PCSK5: variants seen among roughly 807,000 people sequenced by gnomAD.
PCSK5 encodes the protein proprotein convertase subtilisin/kexin type 5, also known as prohormone convertase 5.
PCSK5 carries 129 observed loss-of-function variants against 233.2 expected under a neutral mutation model. The observed-to-expected ratio is 0.55, with a 90% CI of 0.48 to 0.64. The LOEUF (loss-of-function observed/expected upper bound fraction) is 0.64, where lower values mean the gene tolerates loss of function less well. Among genes scored for constraint, PCSK5 ranks in the 30% least tolerant of loss-of-function variants. The probability of loss-of-function intolerance (pLI) is 0.00; values close to 1 mark genes in which losing one functional copy is unlikely to be tolerated. For missense variants in PCSK5, 2,076 were observed against 2,430.1 expected (o/e 0.85, Z 3.06); for synonymous variants, 825 against 879.2 (o/e 0.94, Z 1.09).
At chr9:76,098,233 A>G (rs1831616697) in intron 8 of PCSK5, among the ~76,000 whole-genome samples, 1 of 152,152 alleles carries the variant, frequency 6.6e-6, no homozygotes, top group Non-Finnish European at 1.5e-5. Context: ...ATTGCTCCAC[A>G]ATGTCTGGGT....
intron 1 of PCSK5, among the ~76,000 whole-genome samples, chr9:75,926,878 A>G (rs1008261669): frequency 2.0e-5 from 3 of 152,138 alleles, no homozygotes; most frequent in African/African-American, 7.2e-5. Context: ...TCACCTATTG[A>G]TGGACATTTG....
chr9:76,161,823 A>G (rs1822873094), intron 12 of PCSK5, among the ~76,000 whole-genome samples: 1 of 152,206 alleles, frequency 6.6e-6, no homozygotes, highest in African/African-American at 2.4e-5. Context: ...TGCTGAACAC[A>G]AGAGTGCTGC....
rs762715003 is a variant in PCSK5 at position 75,986,141 on chromosome 9, A to G, written c.307A>G (p.Ile103Val). ...ATGTCCTTCTTGACAGGTGGAATGG[A>G]TCCAACAGCAAGTGGTAAAAAAGCG... Reference protein sequence around the residue: ...FISMEPKVEWIQQQVVKKRTK... With the variant: ...FISMEPKVEWVQQQVVKKRTK... The change falls in exon 3 of 38, where the codon ATC (isoleucine) becomes GTC (valine). Residue 103 changes from isoleucine (I) to valine (V), a missense_variant. Physicochemically the swap from Ile to Val is conservative, Grantham distance 29. Coordinates refer to ENST00000674117, the MANE Select transcript of PCSK5 (RefSeq NM_001372043.1). The G allele has an allele frequency of 1.4e-5, 22 of 1,606,306 alleles. No individual in the cohort carries two copies. In the South Asian group the frequency reaches 2.2e-4, roughly 16 times the overall value.
chr9:76,104,336 C>T (rs1032850247), intron 8 of PCSK5, among the ~76,000 whole-genome samples: 1 of 152,128 alleles, frequency 6.6e-6, no homozygotes, highest in East Asian at 1.9e-4. Context: ...CTTTTCTCCC[C>T]GTTCCTTTTA....
At chr9:75,962,847 C>A (rs1193430851) in intron 2 of PCSK5, among the ~76,000 whole-genome samples, 1 of 152,188 alleles carries the variant, frequency 6.6e-6, no homozygotes, top group Non-Finnish European at 1.5e-5. Context: ...GAATGGGCCT[C>A]TGCGCACACC....
intron 37 of PCSK5, among the ~76,000 whole-genome samples, chr9:76,355,472 CA>C (rs34687792): frequency 1.3e-5 from 2 of 148,928 alleles, no homozygotes; most frequent in East Asian, 4.0e-4. Flanking sequence ...GACTCCGTCT[CA>C]AAAAAAGAAA....
Position 76,361,479 on chromosome 9 carries a change from T to C in PCSK5, c.*2557T>C. On this transcript the variant is annotated 3_prime_UTR_variant, in exon 38 of 38. Transcript: ENST00000674117. ...AGGAGGATTGCTGACCCACCACCTG[T>C]TCTTGAGCCCAGGAGTTCGACATCA... 6.6e-6 allele frequency: 1 copy of C among 152,222 alleles called. No homozygotes were observed. The highest frequency in any genetic ancestry group is 1.9e-4 in the East Asian group (1 of 5,190). The allele number at this position is 152,222 out of a possible 1,614,324, so 9.4% of individuals were successfully genotyped here. A position where few individuals can be genotyped will look rare whatever the true frequency, so the allele number is the denominator to read the frequency against.
At chr9:76,021,758 G>C (rs186239516) in intron 3 of PCSK5, among the ~76,000 whole-genome samples, 1 of 152,114 alleles carries the variant, frequency 6.6e-6, no homozygotes, top group African/African-American at 2.4e-5. Context: ...GGAGGCATTG[G>C]AGGCACCTGT....
intron 1 of PCSK5, among the ~76,000 whole-genome samples, chr9:75,904,912 G>A (rs1430558564): frequency 2.0e-5 from 3 of 152,054 alleles, no homozygotes; most frequent in Non-Finnish European, 4.4e-5. Context: ...GTCTATCAAC[G>A]GATAAATGGA....
intron 24 of PCSK5, among the ~76,000 whole-genome samples, chr9:76,276,437 C>T (rs1827689518): frequency 6.6e-6 from 1 of 152,054 alleles, no homozygotes; most frequent in Non-Finnish European, 1.5e-5. Flanking sequence ...GAATGTAAAC[C>T]TCCTATCCTG....
intron 10 of PCSK5, among the ~76,000 whole-genome samples, chr9:76,150,061 A>G (rs1823603404): frequency 6.6e-6 from 1 of 152,206 alleles, no homozygotes; most frequent in African/African-American, 2.4e-5. Flanking sequence ...ATATTCCTAT[A>G]TGTGTATAAT....
chr9:76,147,350 T>A (rs188477593), intron 10 of PCSK5, among the ~76,000 whole-genome samples: 51 of 152,306 alleles, frequency 3.3e-4, no homozygotes, highest in African/African-American at 1.0e-3. Context: ...CAGTCAACTC[T>A]CATTTCTTTT....
chr9:75,990,840 GCCTT>G (rs1295882943), intron 3 of PCSK5, among the ~76,000 whole-genome samples: 2 of 152,148 alleles, frequency 1.3e-5, no homozygotes, highest in Non-Finnish European at 2.9e-5. Context: ...CCAAGCTTGG[GCCTT>G]CCTTTAGTTT....
At chr9:76,197,291 G>A (rs1204387060) in intron 20 of PCSK5, among the ~76,000 whole-genome samples, 1 of 152,156 alleles carries the variant, frequency 6.6e-6, no homozygotes, top group African/African-American at 2.4e-5. Context: ...ATGGGAGACT[G>A]CTAATTATCA....
At chr9:76,234,521 A>G (rs1826191206) in intron 22 of PCSK5, among the ~76,000 whole-genome samples, 1 of 152,230 alleles carries the variant, frequency 6.6e-6, no homozygotes, top group Non-Finnish European at 1.5e-5. Context: ...ACACATTGAG[A>G]GTACCAGGCA....
intron 22 of PCSK5, 81 bp downstream of exon 22, chr9:76,233,677 G>C: frequency 7.5e-7 from 1 of 1,328,556 alleles, no homozygotes; most frequent in South Asian, 1.2e-5. Flanking sequence ...TGACCCAAAA[G>C]CCTTGTGTCT....
intron 20 of PCSK5, among the ~76,000 whole-genome samples, chr9:76,205,852 C>T (rs192090404): frequency 3.3e-5 from 5 of 152,274 alleles, no homozygotes; most frequent in African/African-American, 1.2e-4. Context: ...CCTCCTAAAC[C>T]CTCTACCAAG....
At chr9:76,340,655 A>AAC (rs757593400) in intron 35 of PCSK5, among the ~76,000 whole-genome samples, 4,013 of 151,306 alleles carry the variant, frequency 0.027, 72 homozygotes, top group Non-Finnish European at 0.042. Context: ...AAAAAAAAAA[A>AAC]AAAACTTCAA....
intron 32 of PCSK5, among the ~76,000 whole-genome samples, chr9:76,326,903 G>C (rs183822770): frequency 1.5e-4 from 23 of 152,276 alleles, no homozygotes; most frequent in South Asian, 1.5e-3. Flanking sequence ...ATTGAGAAAG[G>C]CAGGAAGCAA....
Sources: gnomAD v4.1 joint callset for allele counts (sites outside exome capture counted in the v4.1 genomes callset) on GRCh38, gnomAD v4.1.1 for gene constraint, MANE v1.5 for transcripts, NCBI Gene and HGNC (gene_info 2026-07-23, HGNC 2026-07-21) for gene names.